Variants in TMEM178B observed in about 807,000 individuals in gnomAD.
TMEM178B encodes the protein transmembrane protein 178B.
In TMEM178B, 5 loss-of-function variants were observed where a neutral mutation model predicts 31.0. The ratio of observed to expected loss-of-function variants is 0.16; its 90% CI spans 0.08 to 0.34. TMEM178B has a LOEUF of 0.34. TMEM178B is among the 10% of genes least tolerant of loss of function. The pLI is 1.00. For synonymous variants in TMEM178B, 164 were observed against 164.0 expected (o/e 1.00, Z 0.00); for missense variants, 275 against 400.3 (o/e 0.69, Z 2.67).
At chr7:141,507,655 G>A in the TMEM178B span, among the ~76,000 whole-genome samples, 402 of 152,340 alleles carry the variant, frequency 2.6e-3, 1 homozygote, top group African/African-American at 7.4e-3. Flanking sequence ...ACAGGCATGC[G>A]CCACCGCGCC....
chr7:141,174,097 A>T (rs975289412), intron 1 of TMEM178B, among the ~76,000 whole-genome samples: 1 of 152,104 alleles, frequency 6.6e-6, no homozygotes, highest in African/African-American at 2.4e-5. Flanking sequence ...TCCTAATGCT[A>T]TCGCTCCCCT....
chr7:141,129,527 C>T (rs1795560554), intron 1 of TMEM178B, among the ~76,000 whole-genome samples: 1 of 152,144 alleles, frequency 6.6e-6, no homozygotes, highest in Non-Finnish European at 1.5e-5. Context: ...CCTTGTGGAT[C>T]CTTCTAGTCA....
intron 2 of TMEM178B, among the ~76,000 whole-genome samples, chr7:141,377,414 G>T (rs942594577): frequency 6.6e-6 from 1 of 151,862 alleles, no homozygotes; most frequent in Non-Finnish European, 1.5e-5. Flanking sequence ...AACTCCTGAT[G>T]TCAGGTGATC....
At chr7:141,235,789 G>A (rs150241815) in intron 2 of TMEM178B, among the ~76,000 whole-genome samples, 1 of 152,234 alleles carries the variant, frequency 6.6e-6, no homozygotes, top group East Asian at 1.9e-4. Flanking sequence ...ATTATTGACC[G>A]AGCCCTAAGA....
chr7:141,146,872 C>T (rs1180339754), intron 1 of TMEM178B, among the ~76,000 whole-genome samples: 4 of 152,156 alleles, frequency 2.6e-5, no homozygotes, highest in East Asian at 1.9e-4. Context: ...GCTGTGTCTG[C>T]GCATGAGGAT....
intron 2 of TMEM178B, among the ~76,000 whole-genome samples, chr7:141,405,021 C>T (rs1348085710): frequency 6.6e-6 from 1 of 152,138 alleles, no homozygotes; most frequent in Non-Finnish European, 1.5e-5. Flanking sequence ...TAGGCCCTAC[C>T]CTCTCTCTCT....
chr7:141,433,037 C>T (rs1007721899), intron 2 of TMEM178B, among the ~76,000 whole-genome samples: 4 of 152,220 alleles, frequency 2.6e-5, no homozygotes, highest in Admixed American at 2.0e-4. Context: ...TAAAACTCAA[C>T]ATCCATATGC....
At chr7:141,389,679 TTCAAAATTG>T in intron 2 of TMEM178B, among the ~76,000 whole-genome samples, 1 of 152,300 alleles carries the variant, frequency 6.6e-6, no homozygotes, top group East Asian at 1.9e-4. Context: ...CCCCTTTACT[TTCAAAATTG>T]TCCTTGATCA....
chr7:141,236,681 C>T (rs1797532266), intron 2 of TMEM178B, among the ~76,000 whole-genome samples: 2 of 152,138 alleles, frequency 1.3e-5, no homozygotes, highest in African/African-American at 4.8e-5. Flanking sequence ...TTAGAAATGC[C>T]TTGAGAGTGG....
intron 1 of TMEM178B, among the ~76,000 whole-genome samples, chr7:141,115,592 A>G (rs1272432835): frequency 1.3e-5 from 2 of 152,210 alleles, no homozygotes; most frequent in African/African-American, 2.4e-5. Flanking sequence ...TGGATGGAGA[A>G]GGGAGAGAAA....
chr7:141,395,545 G>A (rs1383827055), intron 2 of TMEM178B, among the ~76,000 whole-genome samples: 1 of 152,176 alleles, frequency 6.6e-6, no homozygotes, highest in Non-Finnish European at 1.5e-5. Context: ...GAGGAGCAGA[G>A]CTGGTTGGTT....
intron 2 of TMEM178B, among the ~76,000 whole-genome samples, chr7:141,391,771 C>T (rs1163823445): frequency 3.3e-5 from 5 of 152,090 alleles, no homozygotes; most frequent in African/African-American, 1.2e-4. Flanking sequence ...CTCAGATACA[C>T]GGAATCACGC....
intron 1 of TMEM178B, among the ~76,000 whole-genome samples, chr7:141,166,209 C>A (rs1796258147): frequency 6.6e-6 from 1 of 152,190 alleles, no homozygotes; most frequent in South Asian, 2.1e-4. Context: ...TCCCCTTGTG[C>A]AGGATCCACA....
At chr7:141,388,675 C>G (rs1422518139) in intron 2 of TMEM178B, among the ~76,000 whole-genome samples, 1 of 151,956 alleles carries the variant, frequency 6.6e-6, no homozygotes, top group Non-Finnish European at 1.5e-5. Flanking sequence ...AATTTTTTCC[C>G]ACCAATCACT....
At chr7:141,418,444 A>G (rs1279847880) in intron 2 of TMEM178B, among the ~76,000 whole-genome samples, 1 of 152,180 alleles carries the variant, frequency 6.6e-6, no homozygotes, top group African/African-American at 2.4e-5. Context: ...TATCATTAGC[A>G]CAATGCCTGG....
rs1028882315 is a variant in TMEM178B, at chr7:141,470,655, A to C, written c.754A>C (p.Met252Leu). The change falls in exon 4 of 4, where the codon ATG (methionine) becomes CTG (leucine). Residue 252 changes from methionine to leucine, a missense_variant. Coordinates refer to ENST00000565468, the MANE Select transcript of TMEM178B (RefSeq NM_001195278.2). ...DDISHGYGWS[M>L]FCAWGGLGLT... ...CATCAGCCATGGCTATGGCTGGTCCATGTTCTGTGCATGGGGGGGCCTGGG... is the reference window on the plus strand; with the variant it reads ...CATCAGCCATGGCTATGGCTGGTCCCTGTTCTGTGCATGGGGGGGCCTGGG... The C allele has an allele frequency of 6.5e-7, 1 of 1,535,628 alleles. No individual in the cohort carries two copies. The highest frequency in any genetic ancestry group is 1.2e-5 in the South Asian group (1 of 84,010).
intron 2 of TMEM178B, among the ~76,000 whole-genome samples, chr7:141,411,803 C>T (rs1176090572): frequency 2.6e-5 from 4 of 152,194 alleles, no homozygotes; most frequent in East Asian, 1.9e-4. Context: ...AATAGGTTGA[C>T]AAGCTGCTGA....
intron 3 of TMEM178B, among the ~76,000 whole-genome samples, chr7:141,443,976 T>C (rs1801707712): frequency 6.6e-6 from 1 of 152,198 alleles, no homozygotes; most frequent in Non-Finnish European, 1.5e-5. Flanking sequence ...CCTGTGCCTG[T>C]TTGAGATACC....
chr7:141,264,622 C>T (rs1343834599), intron 2 of TMEM178B, among the ~76,000 whole-genome samples: 2 of 151,916 alleles, frequency 1.3e-5, no homozygotes, highest in Non-Finnish European at 2.9e-5. Context: ...AAGTGAAATA[C>T]TGTTCTAGGT....
Sources: gnomAD v4.1 joint callset for allele counts (sites outside exome capture counted in the v4.1 genomes callset) on GRCh38, gnomAD v4.1.1 for gene constraint, MANE v1.5 for transcripts, NCBI Gene and HGNC (gene_info 2026-07-23, HGNC 2026-07-21) for gene names.